The following TRABD2B variants were observed in gnomAD, a reference collection of about 807,000 sequenced individuals.
The protein encoded by TRABD2B is TraB domain containing 2B.
A neutral mutation model predicts 40.1 loss-of-function variants in TRABD2B; 14 were observed. That is an observed-to-expected ratio of 0.35 (90% confidence interval 0.23 to 0.55). The LOEUF (loss-of-function observed/expected upper bound fraction) is 0.55, where lower values mean the gene tolerates loss of function less well. TRABD2B is among the 20% of genes least tolerant of loss of function. The pLI is 0.90. For missense variants in TRABD2B, 541 were observed against 648.6 expected (o/e 0.83, Z 1.80); for synonymous variants, 263 against 277.0 (o/e 0.95, Z 0.50).
chr1:47,892,323 T>G (rs574976694), intron 2 of TRABD2B, among the ~76,000 whole-genome samples: 1 of 152,340 alleles, frequency 6.6e-6, no homozygotes, highest in South Asian at 2.1e-4. Flanking sequence ...GGAACTGCCA[T>G]GTGCTGAATT....
chr1:47,820,463 C>G (rs998598887), intron 2 of TRABD2B, among the ~76,000 whole-genome samples: 1 of 152,154 alleles, frequency 6.6e-6, no homozygotes, highest in Non-Finnish European at 1.5e-5. Context: ...TTAGACAGAC[C>G]GTGGGATATG....
At chr1:47,768,594 G>T (rs369489892) in intron 6 of TRABD2B, among the ~76,000 whole-genome samples, 1 of 152,082 alleles carries the variant, frequency 6.6e-6, no homozygotes, top group African/African-American at 2.4e-5. Flanking sequence ...GGCAGTTAAG[G>T]CTTCTCCCAA....
intron 2 of TRABD2B, among the ~76,000 whole-genome samples, chr1:47,802,010 A>G (rs1041090575): frequency 6.6e-6 from 1 of 152,216 alleles, no homozygotes; most frequent in African/African-American, 2.4e-5. Context: ...AGCATCCTGC[A>G]AACAAAGCAA....
intron 2 of TRABD2B, among the ~76,000 whole-genome samples, chr1:47,832,241 G>C (rs1014283884): frequency 2.6e-5 from 4 of 152,138 alleles, no homozygotes; most frequent in Non-Finnish European, 5.9e-5. Context: ...GCTGAGGCAG[G>C]AGAAAGGCGT....
intron 2 of TRABD2B, among the ~76,000 whole-genome samples, chr1:47,965,957 T>C (rs1056057010): frequency 6.6e-6 from 1 of 152,232 alleles, no homozygotes; most frequent in African/African-American, 2.4e-5. Flanking sequence ...TCACTGTTTA[T>C]GAAGGGGGAA....
intron 3 of TRABD2B, among the ~76,000 whole-genome samples, chr1:47,797,671 G>A (rs2124248301): frequency 6.6e-6 from 1 of 152,258 alleles, no homozygotes; most frequent in Non-Finnish European, 1.5e-5. Flanking sequence ...AGCATTCTCT[G>A]CATGTTTCAT....
chr1:47,877,031 A>G (rs1008697749), intron 2 of TRABD2B, among the ~76,000 whole-genome samples: 7 of 152,192 alleles, frequency 4.6e-5, no homozygotes, highest in African/African-American at 1.7e-4. Flanking sequence ...AGAAATAAAC[A>G]TTGCAAATTG....
At chr1:47,883,936 A>C (rs1167626385) in intron 2 of TRABD2B, among the ~76,000 whole-genome samples, 1 of 152,166 alleles carries the variant, frequency 6.6e-6, no homozygotes, top group African/African-American at 2.4e-5. Flanking sequence ...CTCTCTCTCC[A>C]TGGGGATTTT....
chr1:47,768,976 A>G (rs1010977053), intron 6 of TRABD2B, among the ~76,000 whole-genome samples: 1 of 152,168 alleles, frequency 6.6e-6, no homozygotes, highest in South Asian at 2.1e-4. Context: ...TGAACAGATG[A>G]GCAAACCCCT....
intron 2 of TRABD2B, among the ~76,000 whole-genome samples, chr1:47,990,828 TATATATAA>T (rs1645999626): frequency 4.6e-5 from 4 of 87,204 alleles, no homozygotes; most frequent in African/African-American, 1.8e-4. Context: ...TATATATATA[TATATATAA>T]AACGTTGGTT....
intron 2 of TRABD2B, among the ~76,000 whole-genome samples, chr1:47,948,511 A>G (rs1557674242): frequency 1.3e-5 from 2 of 152,198 alleles, no homozygotes; most frequent in Non-Finnish European, 2.9e-5. Flanking sequence ...TACAGCCTTC[A>G]GATTTAAACC....
intron 2 of TRABD2B, among the ~76,000 whole-genome samples, chr1:47,823,739 A>C (rs11211612): frequency 0.036 from 5,499 of 152,292 alleles, 214 homozygotes; most frequent in East Asian, 0.15. Context: ...CAGGCAGCCG[A>C]GGCCTGTAAA....
At chr1:47,995,501 C>T (rs377268387) in intron 1 of TRABD2B, among the ~76,000 whole-genome samples, 1 of 149,880 alleles carries the variant, frequency 6.7e-6, no homozygotes, top group African/African-American at 2.5e-5. Flanking sequence ...AGTGTGTGTG[C>T]GTGTGTGTGT....
At chr1:47,941,689 T>A (rs1479582737) in intron 2 of TRABD2B, among the ~76,000 whole-genome samples, 3 of 152,260 alleles carry the variant, frequency 2.0e-5, no homozygotes, top group African/African-American at 7.2e-5. Flanking sequence ...AAGGTACTGA[T>A]GAGCTACGCT....
intron 2 of TRABD2B, among the ~76,000 whole-genome samples, chr1:47,859,378 T>C (rs568155840): frequency 7.2e-4 from 110 of 152,282 alleles, no homozygotes; most frequent in African/African-American, 2.1e-3. Context: ...TGAGCTCCAG[T>C]TGGACCCCAG....
At chr1:47,898,979 C>T (rs941142070) in intron 2 of TRABD2B, among the ~76,000 whole-genome samples, 2 of 152,234 alleles carry the variant, frequency 1.3e-5, no homozygotes, top group African/African-American at 4.8e-5. Flanking sequence ...TCAGTCTTCA[C>T]GGCCTTCACC....
At chr1:47,909,498 AAGG>A (rs779786878) in intron 2 of TRABD2B, among the ~76,000 whole-genome samples, 37 of 103,672 alleles carry the variant, frequency 3.6e-4, no homozygotes, top group South Asian at 1.1e-3. Flanking sequence ...GAAGGAGGAG[AAGG>A]AGGAGAAGGA....
At chr1:47,801,174 T>G (rs551850066) in intron 3 of TRABD2B, among the ~76,000 whole-genome samples, 1 of 152,176 alleles carries the variant, frequency 6.6e-6, no homozygotes, top group Non-Finnish European at 1.5e-5. Flanking sequence ...TCCCCAGATG[T>G]AGAACTGAAC....
intron 2 of TRABD2B, among the ~76,000 whole-genome samples, chr1:47,897,059 C>A (rs1320656469): frequency 6.6e-6 from 1 of 152,078 alleles, no homozygotes; most frequent in Non-Finnish European, 1.5e-5. Flanking sequence ...AAACAAAAAA[C>A]ATAGCAAGTA....
Sources: gnomAD v4.1 joint callset for allele counts (sites outside exome capture counted in the v4.1 genomes callset) on GRCh38, gnomAD v4.1.1 for gene constraint, MANE v1.5 for transcripts, NCBI Gene and HGNC (gene_info 2026-07-23, HGNC 2026-07-21) for gene names.